The following ZFAND3 variants were observed in gnomAD, a reference collection of about 807,000 sequenced individuals.
The protein encoded by ZFAND3 is zinc finger AN1-type containing 3, also known as AN1-type zinc finger protein 3.
In ZFAND3, 10 loss-of-function variants were observed where a neutral mutation model predicts 29.6. The ratio of observed to expected loss-of-function variants is 0.34; its 90% confidence interval spans 0.21 to 0.57. ZFAND3 has a LOEUF of 0.57. Ranked by LOEUF, ZFAND3 falls within the 20% of genes least tolerant of loss-of-function variation. ZFAND3 has a pLI of 0.86. For synonymous variants in ZFAND3, 128 were observed against 112.6 expected, an observed-to-expected ratio of 1.14 and a Z score of -0.87; for missense variants, 230 against 304.5, an observed-to-expected ratio of 0.76 and a Z score of 1.82.
At chr6:37,954,031 T>G (rs1449955542) in intron 2 of ZFAND3, among the ~76,000 whole-genome samples, 1 of 152,224 alleles carries the variant, frequency 6.6e-6, no homozygotes, top group Non-Finnish European at 1.5e-5. Flanking sequence ...CTTTAGTATT[T>G]TAAAGATACT....
At chr6:38,074,704 C>T (rs1188409864) in intron 3 of ZFAND3, among the ~76,000 whole-genome samples, 2 of 152,254 alleles carry the variant, frequency 1.3e-5, no homozygotes, top group South Asian at 2.1e-4. Flanking sequence ...TTCAAAATAG[C>T]GAAAATAACC....
intron 2 of ZFAND3, among the ~76,000 whole-genome samples, chr6:37,941,431 A>G (rs1467899046): frequency 6.6e-6 from 1 of 152,228 alleles, no homozygotes; most frequent in Non-Finnish European, 1.5e-5. Context: ...CAGTGCTGAA[A>G]GCTTCACAAG....
chr6:37,911,552 A>AT (rs1765521340), intron 1 of ZFAND3, among the ~76,000 whole-genome samples: 1 of 151,948 alleles, frequency 6.6e-6, no homozygotes, highest in African/African-American at 2.4e-5. Context: ...CAGATTTATG[A>AT]TTTTTATCCA....
chr6:38,154,428 G>A lies in ZFAND3; in HGVS notation c.*2039G>A, dbSNP rs1766309742. 2.0e-6 allele frequency: 2 copies of A among 985,822 alleles called. No homozygotes were observed. Among genetic ancestry groups the A allele is most frequent in the African/African-American group, 3.5e-5 (2 of 57,332 alleles). The allele number at this position is 985,822 out of a possible 1,614,324, so 61.1% of individuals were successfully genotyped here. A position where few individuals can be genotyped will look rare whatever the true frequency, so the allele number is the denominator to read the frequency against. ...CTGCAGTATCTGTTCTGTGAAGTTT[G>A]TTAAATGTAAGGAAAGCTTAAATTC... On this transcript the variant is annotated 3_prime_UTR_variant, in exon 6 of 6. Coordinates refer to ENST00000287218, the MANE Select transcript of ZFAND3 (RefSeq NM_021943.3).
intron 1 of ZFAND3, among the ~76,000 whole-genome samples, chr6:37,917,739 T>A (rs540216401): frequency 6.6e-6 from 1 of 152,316 alleles, no homozygotes; most frequent in African/African-American, 2.4e-5. Flanking sequence ...AGGAAAGCAG[T>A]TTATTTTCTG....
At chr6:38,022,163 A>T (rs370393536) in intron 2 of ZFAND3, among the ~76,000 whole-genome samples, 23 of 152,212 alleles carry the variant, frequency 1.5e-4, no homozygotes, top group East Asian at 5.8e-4. Context: ...CCAAATACTA[A>T]ATCAGAATCT....
At chr6:37,978,578 G>A (rs998104047) in intron 2 of ZFAND3, among the ~76,000 whole-genome samples, 1 of 152,230 alleles carries the variant, frequency 6.6e-6, no homozygotes, top group Non-Finnish European at 1.5e-5. Context: ...TTCTTTGTCA[G>A]AGAGTTTTAA....
At chr6:38,134,151 G>A (rs911797733) in intron 5 of ZFAND3, among the ~76,000 whole-genome samples, 4 of 152,128 alleles carry the variant, frequency 2.6e-5, no homozygotes, top group African/African-American at 7.2e-5. Flanking sequence ...CTGGAAAACC[G>A]GGTCCACAGC....
chr6:37,991,208 G>A (rs1458605403), intron 2 of ZFAND3, among the ~76,000 whole-genome samples: 1 of 152,114 alleles, frequency 6.6e-6, no homozygotes, highest in Non-Finnish European at 1.5e-5. Context: ...AGAACTCAGC[G>A]TCTTGACTCA....
At chr6:38,120,320 CTTTTTTT>C (rs70981523) in intron 5 of ZFAND3, among the ~76,000 whole-genome samples, 94 of 60,732 alleles carry the variant, frequency 1.5e-3, no homozygotes, top group East Asian at 3.0e-3. Flanking sequence ...GCTTGGCTTC[CTTTTTTT>C]TTTTTTTTTT....
chr6:38,050,741 C>T (rs531077701), intron 2 of ZFAND3, among the ~76,000 whole-genome samples: 2 of 152,272 alleles, frequency 1.3e-5, no homozygotes, highest in South Asian at 2.1e-4. Context: ...CGGACTAATA[C>T]CCTGGGACTA....
intron 1 of ZFAND3, among the ~76,000 whole-genome samples, chr6:37,870,660 A>AT (rs1561917314): frequency 6.7e-6 from 1 of 149,840 alleles, no homozygotes; most frequent in Non-Finnish European, 1.5e-5. Flanking sequence ...GGCCTTAGTT[A>AT]TTTTTTTAAC....
At chr6:37,921,228 C>CA (rs1271027335) in intron 1 of ZFAND3, among the ~76,000 whole-genome samples, 3 of 152,024 alleles carry the variant, frequency 2.0e-5, no homozygotes, top group African/African-American at 7.3e-5. Flanking sequence ...AGAAATGTGA[C>CA]AGTTTTTACA....
chr6:38,121,412 C>G (rs1258033163), intron 5 of ZFAND3, among the ~76,000 whole-genome samples: 1 of 152,084 alleles, frequency 6.6e-6, no homozygotes, highest in Admixed American at 6.5e-5. Context: ...AAAACAAGAA[C>G]CAAAACTTGA....
chr6:37,875,285 A>G (rs1260998108), intron 1 of ZFAND3, among the ~76,000 whole-genome samples: 2 of 152,196 alleles, frequency 1.3e-5, no homozygotes, highest in Admixed American at 6.5e-5. Context: ...AAGGCTTGGA[A>G]AGTGATTTGA....
chr6:38,035,246 G>C (rs891455828), intron 2 of ZFAND3, among the ~76,000 whole-genome samples: 6 of 152,116 alleles, frequency 3.9e-5, no homozygotes, highest in African/African-American at 1.4e-4. Flanking sequence ...ATCTTCACAT[G>C]TGACATCCCG....
chr6:38,149,373 C>T (rs1766174193), intron 5 of ZFAND3, among the ~76,000 whole-genome samples: 1 of 145,128 alleles, frequency 6.9e-6, no homozygotes, highest in Non-Finnish European at 1.5e-5. Context: ...GATCGCACCA[C>T]AGCGCTCCAG....
intron 4 of ZFAND3, among the ~76,000 whole-genome samples, chr6:38,103,933 G>A (rs1162885835): frequency 6.6e-6 from 1 of 152,186 alleles, no homozygotes; most frequent in African/African-American, 2.4e-5. Flanking sequence ...GCCCAAGCAT[G>A]TTATAAAAAG....
chr6:37,979,007 T>G (rs1192182910), intron 2 of ZFAND3, among the ~76,000 whole-genome samples: 1 of 152,108 alleles, frequency 6.6e-6, no homozygotes, highest in Non-Finnish European at 1.5e-5. Context: ...AACTTATTGA[T>G]AATCTCAAAG....
Sources: gnomAD v4.1 joint callset for allele counts (sites outside exome capture counted in the v4.1 genomes callset) on GRCh38, gnomAD v4.1.1 for gene constraint, MANE v1.5 for transcripts, NCBI Gene and HGNC (gene_info 2026-07-23, HGNC 2026-07-21) for gene names.